CAMTA1: variants seen among roughly 807,000 people sequenced by gnomAD.
CAMTA1 encodes calmodulin-binding transcription activator 1.
In CAMTA1, 27 loss-of-function variants were observed where a neutral mutation model predicts 170.9. That is an observed-to-expected ratio of 0.16 (90% confidence interval 0.12 to 0.22). The LOEUF is 0.22. CAMTA1 is among the 10% of genes least tolerant of loss of function. CAMTA1 has a pLI of 1.00. For missense variants in CAMTA1, 1,619 were observed against 2,217.2 expected, an observed-to-expected ratio of 0.73 and a Z score of 5.42; for synonymous variants, 833 against 891.5, an observed-to-expected ratio of 0.93 and a Z score of 1.17.
chr1:7,317,852 A>G (rs1345456677), intron 5 of CAMTA1, among the ~76,000 whole-genome samples: 1 of 152,240 alleles, frequency 6.6e-6, no homozygotes, highest in Non-Finnish European at 1.5e-5. Context: ...TAATAATTGT[A>G]AAGTGACCAG....
intron 5 of CAMTA1, among the ~76,000 whole-genome samples, chr1:7,356,989 C>T (rs967827120): frequency 3.3e-5 from 5 of 152,232 alleles, no homozygotes; most frequent in Admixed American, 2.0e-4. Context: ...CCCCCCTTCC[C>T]TCCCATCATG....
At chr1:6,793,172 C>T (rs955325084) in intron 1 of CAMTA1, among the ~76,000 whole-genome samples, 1 of 152,058 alleles carries the variant, frequency 6.6e-6, no homozygotes, top group African/African-American at 2.4e-5. Flanking sequence ...ATTGGTTCTG[C>T]TGTGCAGTTC....
intron 11 of CAMTA1, among the ~76,000 whole-genome samples, chr1:7,690,360 C>A (rs2096297085): frequency 6.6e-6 from 1 of 152,184 alleles, no homozygotes; most frequent in African/African-American, 2.4e-5. Context: ...TGCAGAAGGA[C>A]CAGTTCTGGC....
intron 4 of CAMTA1, among the ~76,000 whole-genome samples, chr1:7,166,852 C>G (rs1648570472): frequency 6.6e-6 from 1 of 151,018 alleles, no homozygotes; most frequent in Admixed American, 6.6e-5. Flanking sequence ...ACTCTGTTGC[C>G]CAAGCTGGAG....
intron 3 of CAMTA1, among the ~76,000 whole-genome samples, chr1:6,955,497 T>C (rs1427485531): frequency 5.3e-5 from 8 of 152,198 alleles, no homozygotes; most frequent in Non-Finnish European, 1.2e-4. Context: ...AGTCCTGGCC[T>C]TGTGGCCCTG....
chr1:7,310,643 T>TTTTC lies in CAMTA1; in HGVS notation c.438+61017_438+61018insTTTC, dbSNP rs1491527193. On this transcript the variant is annotated intron_variant, in intron 5 of 22. Coordinates refer to ENST00000303635, the MANE Select transcript of CAMTA1 (RefSeq NM_015215.4). The stretch of plus-strand genomic sequence containing the variant: ...TTCTTTCTTTCTTTCTTTCTTTCTT[T>TTTTC]CTTTTTTCTTTCTTTCTTTCTTTCT... 3.4e-4 allele frequency among the ~76,000 whole-genome samples: 10 copies of TTTTC among 29,418 alleles called. 1 individual carries two copies. The highest frequency in any genetic ancestry group is 9.2e-4 in the African/African-American group (7 of 7,634). The allele number at this position is 29,418 out of a possible 152,430, so 19.3% of individuals were successfully genotyped here.
At chr1:6,803,521 C>T (rs960105330) in intron 1 of CAMTA1, among the ~76,000 whole-genome samples, 6 of 152,154 alleles carry the variant, frequency 3.9e-5, no homozygotes, top group Admixed American at 6.5e-5. Context: ...ATGTAAAGGG[C>T]TACTAGCCTG....
Position 7,044,123 on chromosome 1 carries a change from A to C in CAMTA1, c.235-47181A>C, listed in dbSNP as rs1704957261. Among the ~76,000 whole-genome samples the C allele has an allele frequency of 1.3e-5, 2 of 152,214 alleles. No homozygotes were observed. The highest frequency in any genetic ancestry group is 4.8e-5 in the African/African-American group (2 of 41,454). On this transcript the variant is annotated intron_variant, in intron 3 of 22. Transcript: ENST00000303635. This position sits in a 1 kb window ranked among gnomAD's most constrained non-coding sequence, Gnocchi z 5.0. Reference sequence around the variant, plus strand: ...CCCCTTCAGTGGGAATTTCTCCTGGATGTCTCTGCAGAAGGCACGTGGGTG... The same window carrying C: ...CCCCTTCAGTGGGAATTTCTCCTGGCTGTCTCTGCAGAAGGCACGTGGGTG...
rs373276074 is a variant in CAMTA1 at position 7,430,436 on chromosome 1, G to A, written c.439-37394G>A. ...GGAGGATGATGATGATGGTGGAGGT[G>A]ACAGTGATAATAACGATGGTGATGG... On this transcript the variant is annotated intron_variant, in intron 5 of 22. Coordinates refer to ENST00000303635, the MANE Select transcript of CAMTA1 (RefSeq NM_015215.4). Among the ~76,000 whole-genome samples, 9 of 152,076 alleles carry A rather than the reference G, an allele frequency of 5.9e-5. No individual in the cohort carries two copies. The East Asian group carries it at 9.6e-4, about 16-fold the overall frequency.
At chr1:7,687,644 T>C (rs992881763) in intron 11 of CAMTA1, among the ~76,000 whole-genome samples, 2 of 152,210 alleles carry the variant, frequency 1.3e-5, no homozygotes, top group African/African-American at 4.8e-5. Context: ...GCTTTTCCCA[T>C]CTTGCACCTC....
chr1:7,521,722 T>A (rs1398531395), intron 6 of CAMTA1, among the ~76,000 whole-genome samples: 1 of 152,196 alleles, frequency 6.6e-6, no homozygotes, highest in Non-Finnish European at 1.5e-5. Context: ...CTAATTTTTG[T>A]ATTTTTAGTA....
At chr1:7,226,702 AT>A (rs912926140) in intron 4 of CAMTA1, among the ~76,000 whole-genome samples, 2 of 151,872 alleles carry the variant, frequency 1.3e-5, no homozygotes, top group East Asian at 1.9e-4. Flanking sequence ...CCATTTTGCA[AT>A]TTTTTTTTAA....
At chr1:6,916,426 C>T (rs1680814067) in intron 3 of CAMTA1, among the ~76,000 whole-genome samples, 1 of 150,222 alleles carries the variant, frequency 6.7e-6, no homozygotes, top group South Asian at 2.1e-4. Flanking sequence ...TTCCGAGTTT[C>T]TGCAGGGAAA....
intron 3 of CAMTA1, among the ~76,000 whole-genome samples, chr1:7,040,485 C>T (rs1226305092): frequency 6.6e-6 from 1 of 152,140 alleles, no homozygotes; most frequent in African/African-American, 2.4e-5. Context: ...TGAATGCCTC[C>T]TCTGGATTCA....
At chr1:6,880,470 A>G (rs566382911) in intron 3 of CAMTA1, among the ~76,000 whole-genome samples, 41 of 142,750 alleles carry the variant, frequency 2.9e-4, no homozygotes, top group Admixed American at 8.7e-4. Context: ...GCTCATGGCA[A>G]CCTCCACCTC....
chr1:7,128,927 G>A (rs1265022701), intron 4 of CAMTA1, among the ~76,000 whole-genome samples: 8 of 140,458 alleles, frequency 5.7e-5, no homozygotes, highest in South Asian at 2.4e-4. Context: ...TGCAACCTCT[G>A]CCTCCCAGGT....
rs1377343734 is a variant in CAMTA1, at chr1:7,435,083, G to C, written c.439-32747G>C. On this transcript the variant is annotated intron_variant, in intron 5 of 22. Transcript: ENST00000303635. This position sits in a 1 kb window ranked among gnomAD's most constrained non-coding sequence, Gnocchi z 4.4. ...AAAAAAGAAAAAAAAGAAGGCAGAGGGCATGCTAGCTGAATGCTGCCTGAA... is the reference window on the plus strand; with the variant it reads ...AAAAAAGAAAAAAAAGAAGGCAGAGCGCATGCTAGCTGAATGCTGCCTGAA... Among the ~76,000 whole-genome samples, 1 of 152,010 alleles carries C rather than the reference G, an allele frequency of 6.6e-6. No homozygotes were observed. Among genetic ancestry groups the C allele is most frequent in the Non-Finnish European group, 1.5e-5 (1 of 67,998 alleles).
intron 3 of CAMTA1, among the ~76,000 whole-genome samples, chr1:6,978,788 T>G (rs989307204): frequency 1.3e-5 from 2 of 152,152 alleles, no homozygotes; most frequent in Non-Finnish European, 2.9e-5. Context: ...TTGGTGAGTC[T>G]AGGAAGCATC....
intron 5 of CAMTA1, among the ~76,000 whole-genome samples, chr1:7,274,205 T>C (rs1474187649): frequency 6.6e-6 from 1 of 152,138 alleles, no homozygotes; most frequent in Admixed American, 6.6e-5. Flanking sequence ...AATGACATGC[T>C]TTCTACAAGA....
Sources: allele counts gnomAD v4.1 joint callset (sites outside exome capture counted in the v4.1 genomes callset), GRCh38; gene constraint gnomAD v4.1.1; non-coding constraint Gnocchi (gnomAD v3.1); transcripts MANE v1.5; gene names NCBI Gene and HGNC (gene_info 2026-07-23, HGNC 2026-07-21).